The following NAA11 variants were observed in gnomAD, a reference collection of about 807,000 sequenced individuals.
NAA11 encodes N-alpha-acetyltransferase 11, NatA catalytic subunit.
In NAA11, 15 loss-of-function variants were observed where a neutral mutation model predicts 16.1. The ratio of observed to expected loss-of-function variants is 0.93; its 90% CI spans 0.62 to 1.44. The LOEUF (loss-of-function observed/expected upper bound fraction) is 1.44. Among genes scored for constraint, NAA11 ranks in the 40% most tolerant of loss-of-function variants. The probability of loss-of-function intolerance (pLI) is 0.00; values close to 1 mark genes in which losing one functional copy is unlikely to be tolerated. For missense variants in NAA11, 298 were observed against 291.3 expected (o/e 1.02, Z -0.17); for synonymous variants, 122 against 112.4 (o/e 1.09, Z -0.54).
At position 79,269,640 on chromosome 4, in the gene NAA11, C is replaced by T. The variant is rs1170168321; in HGVS notation, c.*122+24365G>A. Among the ~76,000 whole-genome samples, 3 of 148,336 alleles carry T rather than the reference C, an allele frequency of 2.0e-5. No individual in the cohort carries two copies. In the East Asian group the frequency reaches 6.0e-4, roughly 29 times the overall value. On this transcript the variant is annotated intron_variant and NMD_transcript_variant, in intron 2 of 2. Transcript: ENST00000511542. ...TGAGTAGGTTGTGAAAATTTTCTCCCATTTTGTAGGTTGCCTGTTCACTCT... is the reference window on the plus strand; with the variant it reads ...TGAGTAGGTTGTGAAAATTTTCTCCTATTTTGTAGGTTGCCTGTTCACTCT...
the NAA11 span, among the ~76,000 whole-genome samples, chr4:79,190,330 A>G: frequency 6.6e-6 from 1 of 152,208 alleles, no homozygotes; most frequent in Non-Finnish European, 1.5e-5. Flanking sequence ...CTGTGGCCTC[A>G]TACGTAAAAT....
chr4:79,184,888 C>A, the NAA11 span, among the ~76,000 whole-genome samples: 1 of 152,014 alleles, frequency 6.6e-6, no homozygotes, highest in Non-Finnish European at 1.5e-5. Context: ...AATTAATTGG[C>A]AAAAATAAAG....
intron 2 of NAA11, among the ~76,000 whole-genome samples, chr4:79,243,055 A>G (rs1412760220): frequency 1.3e-5 from 2 of 152,186 alleles, no homozygotes; most frequent in African/African-American, 2.4e-5. Context: ...CGGTTACCCA[A>G]GTGATTTTCC....
At chr4:79,198,251 T>C in the NAA11 span, among the ~76,000 whole-genome samples, 1 of 151,904 alleles carries the variant, frequency 6.6e-6, no homozygotes, top group African/African-American at 2.4e-5. Context: ...TATGCCTCCT[T>C]CGTGGGCAGA....
At chr4:79,315,398 C>T (rs1165261109), downstream of NAA11, among the ~76,000 whole-genome samples, 1 of 152,162 alleles carries the variant, frequency 6.6e-6, no homozygotes, top group Non-Finnish European at 1.5e-5. Context: ...TCTCTCGCTT[C>T]TTGCTCTTAT....
At chr4:79,239,821 A>G (rs183486320) in intron 2 of NAA11, among the ~76,000 whole-genome samples, 15 of 152,310 alleles carry the variant, frequency 9.8e-5, no homozygotes, top group African/African-American at 3.6e-4. Flanking sequence ...ATAAGATGAC[A>G]TGTTCTCTAG....
the NAA11 span, among the ~76,000 whole-genome samples, chr4:79,159,711 C>G: frequency 1.3e-5 from 2 of 152,100 alleles, no homozygotes; most frequent in Non-Finnish European, 2.9e-5. Flanking sequence ...TCCCCATTAT[C>G]CTTCCCTCTG....
intron 2 of NAA11, among the ~76,000 whole-genome samples, chr4:79,279,150 T>C (rs1219846647): frequency 6.6e-6 from 1 of 152,128 alleles, no homozygotes; most frequent in Non-Finnish European, 1.5e-5. Context: ...CAGCAGTAGG[T>C]ACCCAATAAA....
chr4:79,219,458 C>T, the NAA11 span, among the ~76,000 whole-genome samples: 1 of 152,148 alleles, frequency 6.6e-6, no homozygotes, highest in Non-Finnish European at 1.5e-5. Flanking sequence ...TTTAATCCCT[C>T]CATTTTTCTT....
At chr4:79,188,671 A>G in the NAA11 span, among the ~76,000 whole-genome samples, 1 of 152,188 alleles carries the variant, frequency 6.6e-6, no homozygotes, top group South Asian at 2.1e-4. Flanking sequence ...CTTCGGAGAT[A>G]TAAATGTGAT....
chr4:79,197,696 A>T, the NAA11 span: 1 of 152,036 alleles, frequency 6.6e-6, no homozygotes, highest in African/African-American at 2.4e-5. Context: ...TGAGTTTGTT[A>T]TACAACCTTA....
At chr4:79,235,905 G>T (rs1721558822) in intron 2 of NAA11, among the ~76,000 whole-genome samples, 1 of 147,936 alleles carries the variant, frequency 6.8e-6, no homozygotes, top group Non-Finnish European at 1.5e-5. Flanking sequence ...GCTACCTCCA[G>T]TATGGATCAG....
intron 1 of NAA11, among the ~76,000 whole-genome samples, chr4:79,321,381 A>G (rs1213212233): frequency 6.6e-6 from 1 of 152,204 alleles, no homozygotes; most frequent in African/African-American, 2.4e-5. Context: ...GTTGGGTAAG[A>G]CTTGACTTTT....
chr4:79,196,979 A>AAAAG, the NAA11 span, among the ~76,000 whole-genome samples: 1,623 of 125,092 alleles, frequency 0.013, 4 homozygotes, highest in African/African-American at 0.02. Context: ...AAAAAAAAAA[A>AAAAG]AAAGAAAGAA....
chr4:79,215,071 T>C, the NAA11 span, among the ~76,000 whole-genome samples: 372 of 152,354 alleles, frequency 2.4e-3, 1 homozygote, highest in African/African-American at 8.1e-3. Flanking sequence ...ATTTCTCATA[T>C]TGTTCATCAA....
chr4:79,229,008 T>C (rs551305854), intron 2 of NAA11, among the ~76,000 whole-genome samples: 1 of 152,112 alleles, frequency 6.6e-6, no homozygotes, highest in African/African-American at 2.4e-5. Context: ...TTTCTCCCAG[T>C]CTATGGCTTT....
intron 2 of NAA11, among the ~76,000 whole-genome samples, chr4:79,256,916 G>A (rs1722126143): frequency 6.6e-6 from 1 of 151,964 alleles, no homozygotes; most frequent in South Asian, 2.1e-4. Context: ...TGGGATTACA[G>A]ACATGAGCCA....
chr4:79,229,743 G>A (rs977490011), intron 2 of NAA11, among the ~76,000 whole-genome samples: 11 of 151,944 alleles, frequency 7.2e-5, no homozygotes, highest in African/African-American at 2.4e-4. Context: ...CACCTCTTTA[G>A]AGAGGCTACT....
At chr4:79,189,145 C>CAAAAAAAAAAAAAAAAAAAAA in the NAA11 span, among the ~76,000 whole-genome samples, 125 of 42,262 alleles carry the variant, frequency 3.0e-3, 34 homozygotes, top group Non-Finnish European at 3.7e-3. Context: ...GACTCCATCT[C>CAAAAAAAAAAAAAAAAAAAAA]AAAAAAAAAA....
Sources: gnomAD v4.1 joint callset for allele counts (sites outside exome capture counted in the v4.1 genomes callset) on GRCh38, gnomAD v4.1.1 for gene constraint, MANE v1.5 for transcripts, NCBI Gene and HGNC (gene_info 2026-07-23, HGNC 2026-07-21) for gene names.